The following GAD2 variants were observed in gnomAD, a reference collection of about 807,000 sequenced individuals.
GAD2 encodes 65 kDa glutamic acid decarboxylase.
In GAD2, 22 loss-of-function variants were observed where a neutral mutation model predicts 80.1. The ratio of observed to expected loss-of-function variants is 0.27; its 90% CI spans 0.20 to 0.39. The LOEUF is 0.39. GAD2 is among the 10% of genes least tolerant of loss of function. The pLI, the probability that GAD2 is intolerant of heterozygous loss-of-function variation, is 1.00. For missense variants in GAD2, 624 were observed against 738.4 expected (o/e 0.85, Z 1.80); for synonymous variants, 274 against 256.9 (o/e 1.07, Z -0.64).
At chr10:26,244,026 A>G (rs546390384) in intron 7 of GAD2, among the ~76,000 whole-genome samples, 5 of 152,376 alleles carry the variant, frequency 3.3e-5, no homozygotes, top group African/African-American at 1.2e-4. Flanking sequence ...CAACAAGAAC[A>G]AAAACTAAAT....
At chr10:26,218,159 G>T in intron 3 of GAD2, 168 bp downstream of exon 3, 2 of 711,550 alleles carry the variant, frequency 2.8e-6, no homozygotes, top group East Asian at 3.1e-5. Context: ...GGACCTGCCC[G>T]CTGGGTCCAA....
Position 26,303,436 on chromosome 10 carries a change from A to AAGGGAGGAAGGG in GAD2, c.*2483_*2494dup, listed in dbSNP as rs1164778166. ...ATGTGGAATCAGGTCAGAAGAGAGT[A>AAGGGAGGAAGGG]AGGGAGGAAGGGAGGGAGGGAGGGA... On this transcript the variant is annotated 3_prime_UTR_variant, in exon 16 of 16. Transcript: ENST00000376261. The AAGGGAGGAAGGG allele has an allele frequency of 8.8e-6, 1 of 113,706 alleles. No individual in the cohort carries two copies. Among genetic ancestry groups the AAGGGAGGAAGGG allele is most frequent in the Non-Finnish European group, 1.7e-5 (1 of 57,856 alleles). The allele number at this position is 113,706 out of a possible 1,614,324, so 7.0% of individuals were successfully genotyped here.
chr10:26,290,769 C>A (rs1834206038), intron 13 of GAD2, among the ~76,000 whole-genome samples: 1 of 152,180 alleles, frequency 6.6e-6, no homozygotes, highest in African/African-American at 2.4e-5. Context: ...GGTGAGATTG[C>A]TGAAGTATTT....
chr10:26,236,834 T>C (rs1225009976), intron 7 of GAD2, among the ~76,000 whole-genome samples: 9 of 152,178 alleles, frequency 5.9e-5, no homozygotes, highest in Non-Finnish European at 2.9e-5. Context: ...GCTGCATTCC[T>C]ACCTCCTTCT....
At chr10:26,218,901 A>G in intron 3 of GAD2, 142 bp from the exon 4 acceptor site, 1 of 563,182 alleles carries the variant, frequency 1.8e-6, no homozygotes, top group East Asian at 3.2e-5. Context: ...TCTCCCTTTT[A>G]AAGAAAAATG....
chr10:26,295,746 T>C (rs1241076949), intron 15 of GAD2, among the ~76,000 whole-genome samples: 1 of 152,180 alleles, frequency 6.6e-6, no homozygotes, highest in African/African-American at 2.4e-5. Flanking sequence ...AGTGCAGATA[T>C]AGAACATCTC....
At chr10:26,274,085 T>C (rs1455854112) in intron 11 of GAD2, among the ~76,000 whole-genome samples, 2 of 152,116 alleles carry the variant, frequency 1.3e-5, no homozygotes, top group East Asian at 3.8e-4. Flanking sequence ...AAAAGGATAA[T>C]ATCCACTGCT....
chr10:26,283,880 G>A (rs754608112), intron 12 of GAD2, among the ~76,000 whole-genome samples: 11 of 152,324 alleles, frequency 7.2e-5, no homozygotes, highest in Non-Finnish European at 1.3e-4. Flanking sequence ...TGATGTTACC[G>A]TTGAGGCTGT....
intron 8 of GAD2, among the ~76,000 whole-genome samples, chr10:26,249,919 G>A (rs573488999): frequency 1.3e-5 from 2 of 152,258 alleles, no homozygotes; most frequent in South Asian, 2.1e-4. Context: ...GCACCACCAG[G>A]AGGGCGGAGA....
chr10:26,278,679 T>C (rs540966270), intron 11 of GAD2, among the ~76,000 whole-genome samples: 1 of 152,214 alleles, frequency 6.6e-6, no homozygotes, highest in African/African-American at 2.4e-5. Context: ...ACTCATTAAG[T>C]CCTTTAGTCT....
chr10:26,291,935 T>C (rs999956409), intron 13 of GAD2, among the ~76,000 whole-genome samples: 7 of 152,184 alleles, frequency 4.6e-5, no homozygotes, highest in African/African-American at 1.7e-4. Flanking sequence ...TAACAAAGCA[T>C]CTGGGTGCTC....
intron 7 of GAD2, among the ~76,000 whole-genome samples, chr10:26,236,521 G>A (rs1444316647): frequency 6.6e-6 from 1 of 152,052 alleles, no homozygotes; most frequent in Non-Finnish European, 1.5e-5. Context: ...GGCTGGGCTG[G>A]AACTTCTGAC....
At position 26,217,734 on chromosome 10, in the gene GAD2, C is replaced by T; in HGVS notation, c.136+65C>T. 2 of 1,593,862 alleles carry T rather than the reference C, an allele frequency of 1.3e-6. No individual in the cohort carries two copies. The highest frequency in any genetic ancestry group is 1.1e-5 in the South Asian group (1 of 88,942). On this transcript the variant is annotated intron_variant, in intron 2 of 15. Coordinates refer to ENST00000376261, the MANE Select transcript of GAD2 (RefSeq NM_001134366.2). The surrounding 1 kb of genome is among the most constrained non-coding windows in gnomAD (Gnocchi z 4.9). ...GGGGTCCAAGCAGTCTTCTCACCTCCGCATCCCAGTCAGCGGAGTCGGGGT... is the reference window on the plus strand; with the variant it reads ...GGGGTCCAAGCAGTCTTCTCACCTCTGCATCCCAGTCAGCGGAGTCGGGGT...
chr10:26,286,692 C>T (rs549877591), intron 13 of GAD2, among the ~76,000 whole-genome samples, 198 bp downstream of exon 13: 1 of 152,268 alleles, frequency 6.6e-6, no homozygotes, highest in South Asian at 2.1e-4. Context: ...TCTTTTCTAG[C>T]CAAATTGATT....
At chr10:26,254,923 C>G (rs578244700) in intron 8 of GAD2, among the ~76,000 whole-genome samples, 52 of 152,344 alleles carry the variant, frequency 3.4e-4, no homozygotes, top group African/African-American at 1.2e-3. Flanking sequence ...CCAGCTAAGT[C>G]CAGGCGTTGC....
intron 15 of GAD2, among the ~76,000 whole-genome samples, chr10:26,300,032 G>A (rs1834312466): frequency 6.6e-6 from 1 of 152,156 alleles, no homozygotes; most frequent in South Asian, 2.1e-4. Flanking sequence ...TTGGCAAGTG[G>A]TGGAAGATGA....
chr10:26,265,478 C>T (rs367652289), intron 8 of GAD2, among the ~76,000 whole-genome samples: 26 of 151,944 alleles, frequency 1.7e-4, no homozygotes, highest in Admixed American at 3.9e-4. Flanking sequence ...ACTGGGATTA[C>T]AGGTGCGAGC....
chr10:26,257,554 T>C (rs1218917045), intron 8 of GAD2, among the ~76,000 whole-genome samples: 1 of 152,216 alleles, frequency 6.6e-6, no homozygotes, highest in East Asian at 1.9e-4. Context: ...CCTAGTGGCA[T>C]AGGACTACAA....
chr10:26,274,661 T>A (rs1845177827), intron 11 of GAD2, among the ~76,000 whole-genome samples: 1 of 152,092 alleles, frequency 6.6e-6, no homozygotes, highest in Admixed American at 6.6e-5. Context: ...ACAGAGGCAC[T>A]TGTGAGCCCT....
Sources: allele counts gnomAD v4.1 joint callset (sites outside exome capture counted in the v4.1 genomes callset), GRCh38; gene constraint gnomAD v4.1.1; non-coding constraint Gnocchi (gnomAD v3.1); transcripts MANE v1.5; gene names NCBI Gene and HGNC (gene_info 2026-07-23, HGNC 2026-07-21).